The following PRICKLE2 variants were observed in gnomAD, a reference collection of about 807,000 sequenced individuals.
PRICKLE2 encodes prickle planar cell polarity protein 2.
A neutral mutation model predicts 81.4 loss-of-function variants in PRICKLE2; 21 were observed. The ratio of observed to expected loss-of-function variants is 0.26; its 90% confidence interval spans 0.18 to 0.37. The LOEUF is 0.37. Ranked by LOEUF, PRICKLE2 falls within the 10% of genes least tolerant of loss-of-function variation. PRICKLE2 has a pLI of 1.00. For missense variants in PRICKLE2, 940 were observed against 1,109.0 expected, an observed-to-expected ratio of 0.85 and a Z score of 2.16; for synonymous variants, 456 against 421.5, an observed-to-expected ratio of 1.08 and a Z score of -1.00.
chr3:64,211,322 G>T (rs1342562893), intron 1 of PRICKLE2, among the ~76,000 whole-genome samples: 1 of 152,184 alleles, frequency 6.6e-6, no homozygotes, highest in Non-Finnish European at 1.5e-5. Context: ...ATTGTGGTAG[G>T]TGTTGCAAGG....
intron 2 of PRICKLE2, among the ~76,000 whole-genome samples, chr3:64,235,610 T>C (rs2079168863): frequency 6.6e-6 from 1 of 152,218 alleles, no homozygotes; most frequent in Admixed American, 6.5e-5. Flanking sequence ...TCTGTTTCCC[T>C]GGCAGTGTGC....
intron 1 of PRICKLE2, among the ~76,000 whole-genome samples, chr3:64,211,093 A>G (rs983139362): frequency 1.3e-5 from 2 of 152,178 alleles, no homozygotes; most frequent in Admixed American, 6.5e-5. Context: ...AGGGGTACTT[A>G]TCAACCAACT....
intron 7 of PRICKLE2, among the ~76,000 whole-genome samples, chr3:64,121,832 T>C (rs1433913261): frequency 1.3e-5 from 2 of 152,134 alleles, no homozygotes; most frequent in African/African-American, 4.8e-5. Flanking sequence ...CTTTCCAGGG[T>C]AGCAGAAAAG....
At chr3:64,160,796 C>T (rs2077720481) in intron 3 of PRICKLE2, among the ~76,000 whole-genome samples, 1 of 152,218 alleles carries the variant, frequency 6.6e-6, no homozygotes, top group Non-Finnish European at 1.5e-5. Flanking sequence ...TCTCCCCTTA[C>T]TTATGCACAC....
At chr3:64,204,991 T>A (rs2078657000) in intron 1 of PRICKLE2, among the ~76,000 whole-genome samples, 1 of 152,020 alleles carries the variant, frequency 6.6e-6, no homozygotes, top group Non-Finnish European at 1.5e-5. Flanking sequence ...GATTAAAGCT[T>A]TTAACCTGAA....
At chr3:64,180,997 G>A (rs2078121980) in intron 2 of PRICKLE2, among the ~76,000 whole-genome samples, 1 of 152,082 alleles carries the variant, frequency 6.6e-6, no homozygotes, top group African/African-American at 2.4e-5. Context: ...GACAATCAAG[G>A]ATCACAGGGA....
chr3:64,143,413 T>C (rs1160124080), intron 7 of PRICKLE2, among the ~76,000 whole-genome samples: 1 of 152,182 alleles, frequency 6.6e-6, no homozygotes, highest in Non-Finnish European at 1.5e-5. Flanking sequence ...CCAAGGATCC[T>C]AGAAAATCAT....
chr3:64,233,202 G>A (rs1200733634), intron 2 of PRICKLE2, among the ~76,000 whole-genome samples: 3 of 150,696 alleles, frequency 2.0e-5, no homozygotes, highest in Admixed American at 2.0e-4. Context: ...CCATGCCACT[G>A]CCATTTCTCT....
chr3:64,097,730 C>G lies in PRICKLE2; in HGVS notation c.*1321G>C, dbSNP rs1050837680. On this transcript the variant is annotated 3_prime_UTR_variant, in exon 8 of 8. Coordinates refer to ENST00000638394, the MANE Select transcript of PRICKLE2 (RefSeq NM_198859.4). ...AACCTTCCTGGGTAATCCAGATACT[C>G]TGGTTACTAAGCTGGTTACACTGGA... The G allele has an allele frequency of 2.6e-5, 4 of 152,638 alleles. No homozygotes were observed. The highest frequency in any genetic ancestry group is 4.4e-5 in the Non-Finnish European group (3 of 68,054). 9.5% of individuals were successfully genotyped at this position (152,638 alleles called of 1,614,324 possible). A position where few individuals can be genotyped will look rare whatever the true frequency, so the allele number is the denominator to read the frequency against.
intron 2 of PRICKLE2, among the ~76,000 whole-genome samples, chr3:64,168,556 C>T (rs1037670154): frequency 1.8e-4 from 27 of 152,248 alleles, no homozygotes; most frequent in East Asian, 1.4e-3. Context: ...CGGCTTGACG[C>T]GTTTTTATAC....
At chr3:64,192,055 T>C (rs995539003) in intron 2 of PRICKLE2, among the ~76,000 whole-genome samples, 2 of 152,198 alleles carry the variant, frequency 1.3e-5, no homozygotes, top group African/African-American at 4.8e-5. Flanking sequence ...TCTGAAGCAA[T>C]TGGGATGTTC....
chr3:64,238,626 C>T (rs1284105456), intron 2 of PRICKLE2, among the ~76,000 whole-genome samples: 1 of 152,132 alleles, frequency 6.6e-6, no homozygotes, highest in Admixed American at 6.5e-5. Context: ...CTGCCAAGGA[C>T]CTCTGGATAA....
intron 1 of PRICKLE2, among the ~76,000 whole-genome samples, chr3:64,216,612 T>C (rs1312925451): frequency 6.6e-6 from 1 of 152,212 alleles, no homozygotes; most frequent in Non-Finnish European, 1.5e-5. Flanking sequence ...AAAACCATTT[T>C]TAAGCATTAC....
rs1436339681 is a variant in PRICKLE2 at position 64,095,921 on chromosome 3, G to A, written c.*3130C>T. The A allele has an allele frequency of 6.6e-6, 1 of 152,206 alleles. No individual in the cohort carries two copies. Among genetic ancestry groups the A allele is most frequent in the African/African-American group, 2.4e-5 (1 of 41,428 alleles). The allele number at this position is 152,206 out of a possible 1,614,324, so 9.4% of individuals were successfully genotyped here. ...CTTGGTAGAGATCCCACAACTATAT[G>A]ACAGAAGGAAAGCGCCCTGAATACC... On this transcript the variant is annotated 3_prime_UTR_variant, in exon 8 of 8. Coordinates refer to ENST00000638394, the MANE Select transcript of PRICKLE2 (RefSeq NM_198859.4).
chr3:64,166,562 T>G (rs922657106), intron 2 of PRICKLE2, among the ~76,000 whole-genome samples: 3 of 152,198 alleles, frequency 2.0e-5, no homozygotes, highest in Non-Finnish European at 4.4e-5. Context: ...TGTCAACTTT[T>G]ATAATTCAAG....
chr3:64,194,876 GTACAAAAAA>G (rs1267866999), intron 2 of PRICKLE2, among the ~76,000 whole-genome samples: 1 of 151,764 alleles, frequency 6.6e-6, no homozygotes, highest in East Asian at 1.9e-4. Flanking sequence ...ACCCCCTTCT[GTACAAAAAA>G]TACAAAAATT....
At chr3:64,136,068 A>G (rs577369722) in intron 7 of PRICKLE2, among the ~76,000 whole-genome samples, 195 of 152,290 alleles carry the variant, frequency 1.3e-3, no homozygotes, top group African/African-American at 4.3e-3. Flanking sequence ...GATATGTATC[A>G]TCCACATGCT....
intron 7 of PRICKLE2, among the ~76,000 whole-genome samples, chr3:64,141,230 G>A (rs969948954): frequency 1.3e-5 from 2 of 152,224 alleles, no homozygotes; most frequent in Admixed American, 6.5e-5. Flanking sequence ...ATAGCACAGT[G>A]TTTAAGGGCA....
chr3:64,237,947 G>A (rs937858032), intron 2 of PRICKLE2, among the ~76,000 whole-genome samples: 1 of 152,028 alleles, frequency 6.6e-6, no homozygotes, highest in East Asian at 1.9e-4. Flanking sequence ...CCACCCCTAG[G>A]CTAACTCAAA....
Sources: allele counts gnomAD v4.1 joint callset (sites outside exome capture counted in the v4.1 genomes callset), GRCh38; gene constraint gnomAD v4.1.1; transcripts MANE v1.5; gene names NCBI Gene and HGNC (gene_info 2026-07-23, HGNC 2026-07-21).